The following VPS37A variants were observed in gnomAD, a reference collection of about 807,000 sequenced individuals.
VPS37A encodes vacuolar protein sorting-associated protein 37A.
A neutral mutation model predicts 49.8 loss-of-function variants in VPS37A; 30 were observed. The observed-to-expected ratio is 0.60, with a 90% confidence interval of 0.45 to 0.82. The LOEUF is 0.82. VPS37A is among the 40% of genes least tolerant of loss of function. The probability of loss-of-function intolerance (pLI) is 0.00; values close to 1 mark genes in which losing one functional copy is unlikely to be tolerated. For missense variants in VPS37A, 593 were observed against 464.4 expected, an observed-to-expected ratio of 1.28 and a Z score of -2.55; for synonymous variants, 195 against 160.6, an observed-to-expected ratio of 1.21 and a Z score of -1.62.
chr8:17,263,718 T>C (rs1013342066), intron 1 of VPS37A, among the ~76,000 whole-genome samples: 5 of 152,086 alleles, frequency 3.3e-5, no homozygotes, highest in Non-Finnish European at 7.4e-5. Context: ...CCAAGGCAGG[T>C]GGATCGCTTG....
At chr8:17,266,747 G>A (rs1318683810) in intron 2 of VPS37A, among the ~76,000 whole-genome samples, 1 of 152,124 alleles carries the variant, frequency 6.6e-6, no homozygotes, top group Non-Finnish European at 1.5e-5. Flanking sequence ...TATAAGTGCT[G>A]TGTTAACGAT....
At chr8:17,285,972 A>G (rs939299800) in intron 10 of VPS37A, among the ~76,000 whole-genome samples, 2 of 152,106 alleles carry the variant, frequency 1.3e-5, no homozygotes, top group Non-Finnish European at 2.9e-5. Context: ...TCAACATTCA[A>G]TTATTAGATT....
At chr8:17,294,046 G>A (rs891433578) in intron 11 of VPS37A, among the ~76,000 whole-genome samples, 6 of 152,188 alleles carry the variant, frequency 3.9e-5, no homozygotes, top group Non-Finnish European at 4.4e-5. Flanking sequence ...TGCAAGCTGC[G>A]CCCACAGCCA....
intron 10 of VPS37A, among the ~76,000 whole-genome samples, chr8:17,285,285 A>T (rs1006678819): frequency 6.6e-6 from 1 of 152,202 alleles, no homozygotes; most frequent in Non-Finnish European, 1.5e-5. Context: ...ATTCTGTAAT[A>T]CAGCTGATAA....
At chr8:17,256,042 A>G (rs1812414632) in intron 1 of VPS37A, among the ~76,000 whole-genome samples, 9 of 151,820 alleles carry the variant, frequency 5.9e-5, no homozygotes, top group Admixed American at 2.6e-4. Flanking sequence ...TATTTTGGCA[A>G]TATACCCAGT....
intron 1 of VPS37A, among the ~76,000 whole-genome samples, chr8:17,263,181 A>G (rs2150366426): frequency 6.6e-6 from 1 of 152,318 alleles, no homozygotes; most frequent in East Asian, 1.9e-4. Flanking sequence ...TTTATTTTAA[A>G]TGAGGCTATG....
the VPS37A span, among the ~76,000 whole-genome samples, chr8:17,329,246 G>C: frequency 4.6e-5 from 7 of 152,172 alleles, no homozygotes; most frequent in Admixed American, 1.3e-4. Flanking sequence ...GGGTCTGATT[G>C]CAACACTTCA....
chr8:17,265,600 C>G (rs1434900327), intron 1 of VPS37A, among the ~76,000 whole-genome samples: 1 of 152,170 alleles, frequency 6.6e-6, no homozygotes, highest in African/African-American at 2.4e-5. Context: ...CACACAATTG[C>G]TTCTGCTAAT....
intron 2 of VPS37A, among the ~76,000 whole-genome samples, chr8:17,267,355 T>C (rs575898974): frequency 2.6e-5 from 4 of 152,346 alleles, no homozygotes; most frequent in African/African-American, 4.8e-5. Flanking sequence ...TAAAATATTC[T>C]TGAGTTTTAG....
the VPS37A span, among the ~76,000 whole-genome samples, chr8:17,316,398 ATTAT>A: frequency 6.6e-6 from 1 of 151,664 alleles, no homozygotes; most frequent in Non-Finnish European, 1.5e-5. Flanking sequence ...TATATCTTAA[ATTAT>A]TTATCCATCC....
chr8:17,328,446 C>T, the VPS37A span, among the ~76,000 whole-genome samples: 1 of 152,006 alleles, frequency 6.6e-6, no homozygotes, highest in African/African-American at 2.4e-5. Flanking sequence ...AGCCATTATC[C>T]TCAGTAAACT....
chr8:17,319,813 G>A, the VPS37A span, among the ~76,000 whole-genome samples: 2 of 151,958 alleles, frequency 1.3e-5, no homozygotes, highest in East Asian at 1.9e-4. Flanking sequence ...CCTCAGGTTG[G>A]TTTTTTTTCA....
chr8:17,293,588 A>G (rs1586090220), intron 11 of VPS37A, among the ~76,000 whole-genome samples: 1 of 152,002 alleles, frequency 6.6e-6, no homozygotes, highest in Admixed American at 6.5e-5. Flanking sequence ...CCTCATCTTC[A>G]TGGATTTATC....
intron 10 of VPS37A, 44 bp downstream of exon 10, chr8:17,284,660 T>C (rs1815417207): frequency 2.6e-6 from 4 of 1,544,390 alleles, no homozygotes; most frequent in Non-Finnish European, 3.5e-6. Context: ...GGATAAAGTT[T>C]GGTATTTTTA....
At chr8:17,313,288 A>G in the VPS37A span, 1 of 1,602,936 alleles carries the variant, frequency 6.2e-7, no homozygotes, top group Non-Finnish European at 8.5e-7. Flanking sequence ...CTGCAATTGC[A>G]TACCTTTGCA....
downstream of VPS37A, chr8:17,298,575 G>C (rs920472100): frequency 8.5e-5 from 13 of 152,250 alleles, no homozygotes; most frequent in African/African-American, 3.1e-4. Context: ...AAATATTGAT[G>C]TAAATTGTAA....
chr8:17,312,565 A>C, the VPS37A span, among the ~76,000 whole-genome samples: 2 of 102,128 alleles, frequency 2.0e-5, no homozygotes, highest in South Asian at 4.2e-4. Context: ...ACAGAGCGAG[A>C]CTCCCTCTCA....
At chr8:17,273,059 G>T (rs1398683368) in intron 4 of VPS37A, among the ~76,000 whole-genome samples, 1 of 137,802 alleles carries the variant, frequency 7.3e-6, no homozygotes, top group African/African-American at 2.8e-5. Context: ...GGTGGAGGGG[G>T]TCACTAAATG....
chr8:17,273,256 T>G (rs1380631015), intron 4 of VPS37A, among the ~76,000 whole-genome samples: 1 of 152,110 alleles, frequency 6.6e-6, no homozygotes, highest in African/African-American at 2.4e-5. Context: ...CTCCAGTAAA[T>G]AATCTTTAAA....
Sources: allele counts gnomAD v4.1 joint callset (sites outside exome capture counted in the v4.1 genomes callset), GRCh38; gene constraint gnomAD v4.1.1; transcripts MANE v1.5; gene names NCBI Gene and HGNC (gene_info 2026-07-23, HGNC 2026-07-21).